Variants in FMNL3 observed in about 807,000 individuals in gnomAD.
FMNL3 encodes formin like 3, also known as formin-like protein 3.
A neutral mutation model predicts 119.6 loss-of-function variants in FMNL3; 57 were observed. The ratio of observed to expected loss-of-function variants is 0.48; its 90% CI spans 0.39 to 0.59. The LOEUF is 0.59. Among genes scored for constraint, FMNL3 ranks in the 20% least tolerant of loss-of-function variants. FMNL3 has a pLI of 0.00. For synonymous variants in FMNL3, 491 were observed against 507.3 expected, an observed-to-expected ratio of 0.97 and a Z score of 0.43; for missense variants, 1,053 against 1,323.5, an observed-to-expected ratio of 0.80 and a Z score of 3.17.
chr12:49,665,987 G>C, intron 3 of FMNL3, 79 bp from the exon 4 acceptor site: 1 of 1,556,228 alleles, frequency 6.4e-7, no homozygotes, highest in Non-Finnish European at 8.9e-7. Flanking sequence ...AGCCATTCCA[G>C]GCCCTTGGCC....
At chr12:49,676,776 C>T (rs1944202613) in intron 1 of FMNL3, among the ~76,000 whole-genome samples, 1 of 152,094 alleles carries the variant, frequency 6.6e-6, no homozygotes, top group Non-Finnish European at 1.5e-5. Context: ...TATCTATAAT[C>T]TGTCTTATGT....
Position 49,644,764 on chromosome 12 carries a change from G to A in FMNL3, c.*1051C>T, listed in dbSNP as rs1319922478. 6.3e-6 allele frequency: 1 copy of A among 158,986 alleles called. No individual in the cohort carries two copies. Among genetic ancestry groups the A allele is most frequent in the Non-Finnish European group, 1.4e-5 (1 of 71,436 alleles). The allele number at this position is 158,986 out of a possible 1,614,324, so 9.8% of individuals were successfully genotyped here. ...TCTCATGGCAGGCCTGCTTCCCTTT[G>A]TGTGGCTAGAGCCCACCTAGCCGGT... is the stretch of plus-strand genomic sequence containing the variant. On this transcript the variant is annotated 3_prime_UTR_variant, in exon 26 of 26. Transcript: ENST00000335154.
At chr12:49,701,209 T>C (rs982912368) in intron 1 of FMNL3, among the ~76,000 whole-genome samples, 3 of 151,908 alleles carry the variant, frequency 2.0e-5, no homozygotes, top group Non-Finnish European at 2.9e-5. Context: ...TTAAAAAATA[T>C]ATATACACGT....
At chr12:49,670,415 A>G (rs1944012868) in intron 1 of FMNL3, among the ~76,000 whole-genome samples, 1 of 152,126 alleles carries the variant, frequency 6.6e-6, no homozygotes, top group Non-Finnish European at 1.5e-5. Context: ...AGCTCCCAAT[A>G]TGCATCTAGT....
At chr12:49,656,552 C>T (rs1943576152) in intron 8 of FMNL3, 55 bp from the exon 9 acceptor site, 10 of 1,484,532 alleles carry the variant, frequency 6.7e-6, no homozygotes, top group Non-Finnish European at 9.3e-6. Context: ...GACAACCACA[C>T]AGCTCATTTC....
At chr12:49,660,034 T>C in intron 5 of FMNL3, 1 of 893,568 alleles carries the variant, frequency 1.1e-6, no homozygotes, top group Non-Finnish European at 1.3e-6. Context: ...GTCCTCATGA[T>C]CAGGAGGTGT....
At chr12:49,706,536 C>T (rs1231496256) in intron 1 of FMNL3, among the ~76,000 whole-genome samples, 1 of 149,282 alleles carries the variant, frequency 6.7e-6, no homozygotes, top group African/African-American at 2.6e-5. Context: ...GAGCTGCCAG[C>T]CGCCTCCCCA....
intron 1 of FMNL3, among the ~76,000 whole-genome samples, chr12:49,679,214 G>T (rs73305098): frequency 1.3e-5 from 2 of 152,034 alleles, no homozygotes; most frequent in South Asian, 4.1e-4. Context: ...CATGGAACTT[G>T]CCCCGCATCA....
In FMNL3 at chr12:49,645,792, G is replaced by A. The variant is rs758493218; in HGVS notation, c.*23C>T. The A allele has an allele frequency of 6.3e-7, 1 of 1,589,154 alleles. No homozygotes were observed. Among genetic ancestry groups the A allele is most frequent in the Admixed American group, 1.9e-5 (1 of 53,566 alleles). On this transcript the variant is annotated 3_prime_UTR_variant, in exon 26 of 26. Coordinates refer to ENST00000335154, the MANE Select transcript of FMNL3 (RefSeq NM_175736.5). ...GACTTGTAGGACTCTGAGGGGTGAA[G>A]TGCTTCTGCCTCCGAGAGGGTCTCA... is the stretch of plus-strand genomic sequence containing the variant.
At chr12:49,702,421 T>C (rs1428798349) in intron 1 of FMNL3, among the ~76,000 whole-genome samples, 2 of 152,202 alleles carry the variant, frequency 1.3e-5, no homozygotes, top group African/African-American at 4.8e-5. Context: ...TAAGAAAATA[T>C]TTGCATTTGG....
intron 1 of FMNL3, among the ~76,000 whole-genome samples, chr12:49,692,865 G>A (rs1944643351): frequency 6.6e-6 from 1 of 152,120 alleles, no homozygotes; most frequent in African/African-American, 2.4e-5. Context: ...TCTGAGAGGT[G>A]GCATTTTTAA....
rs1372210440 is a variant in FMNL3, at chr12:49,642,276, G to A, written c.*3539C>T. ...AGGCACGGGAGAGGGAGCGGGAGAA[G>A]GAGGAGGCACGCAGGATGCGGCGCA... is the stretch of plus-strand genomic sequence containing the variant. On this transcript the variant is annotated 3_prime_UTR_variant, in exon 26 of 26. Coordinates refer to ENST00000335154, the MANE Select transcript of FMNL3 (RefSeq NM_175736.5). The surrounding 1 kb of genome is among the most constrained non-coding windows in gnomAD (Gnocchi z 5.8). The A allele has an allele frequency of 1.9e-6, 3 of 1,614,082 alleles. No individual in the cohort carries two copies. Among genetic ancestry groups the A allele is most frequent in the African/African-American group, 1.3e-5 (1 of 74,944 alleles).
Position 49,656,835 on chromosome 12 carries a change from T to C in FMNL3, c.779A>G (p.Asn260Ser). Residue 260 changes from asparagine (N) to serine (S), a missense_variant, in exon 8 of 26, where the codon AAC becomes AGC. Transcript: ENST00000335154. ...AVNEIALSLN[N>S]KNPRTKALVL... ...GGAAGGAACTCACCTTGGATTCTTG[T>C]TATTGAGGCTAAGTGCAATCTCATT... 6.2e-7 allele frequency: 1 copy of C among 1,613,984 alleles called. No individual in the cohort carries two copies. The highest frequency in any genetic ancestry group is 1.1e-5 in the South Asian group (1 of 91,060).
chr12:49,658,562 T>C lies in FMNL3; in HGVS notation c.485A>G (p.Asp162Gly). Residue 162 changes from aspartate to glycine, a missense_variant, in exon 6 of 26, where the codon GAT (aspartate) becomes GGT (glycine). Asp to Gly is a moderately conservative substitution (Grantham distance 94, BLOSUM62 -1). Coordinates refer to ENST00000335154, the MANE Select transcript of FMNL3 (RefSeq NM_175736.5). ...FDFEGLESGD[D>G]GAFDKLRSWS... is the part of the protein sequence containing the mutation. ...GGACCGGAGTTTGTCAAATGCACCA[T>C]CGTCACCACTTTCCAGACCCTCAAA... 6.2e-7 allele frequency: 1 copy of C among 1,612,482 alleles called. No homozygotes were observed. The highest frequency in any genetic ancestry group is 8.5e-7 in the Non-Finnish European group (1 of 1,179,192).
chr12:49,668,220 A>T (rs1943944658), intron 2 of FMNL3, among the ~76,000 whole-genome samples: 1 of 152,208 alleles, frequency 6.6e-6, no homozygotes, highest in Non-Finnish European at 1.5e-5. Flanking sequence ...GATCTACACA[A>T]ATCCCCTTAT....
chr12:49,685,084 A>G (rs2138967993), intron 1 of FMNL3, among the ~76,000 whole-genome samples: 1 of 152,336 alleles, frequency 6.6e-6, no homozygotes, highest in South Asian at 2.1e-4. Context: ...ATGAGCCCAT[A>G]TAACAGCAAC....
At chr12:49,682,952 TGGAGAGATATG>T (rs1944373355) in intron 1 of FMNL3, among the ~76,000 whole-genome samples, 1 of 152,178 alleles carries the variant, frequency 6.6e-6, no homozygotes, top group African/African-American at 2.4e-5. Flanking sequence ...TTGTTATCTG[TGGAGAGATATG>T]GGAGAGATTT....
chr12:49,659,694 G>C, intron 5 of FMNL3: 1 of 882,992 alleles, frequency 1.1e-6, no homozygotes. Flanking sequence ...GATTACATGT[G>C]TGAGCCACTG....
chr12:49,671,279 G>A (rs1175002446), intron 1 of FMNL3, among the ~76,000 whole-genome samples: 2 of 152,242 alleles, frequency 1.3e-5, no homozygotes, highest in African/African-American at 2.4e-5. Flanking sequence ...CAGGGACCTG[G>A]TCAAACTCTA....
Sources: gnomAD v4.1 joint callset for allele counts (sites outside exome capture counted in the v4.1 genomes callset) on GRCh38, gnomAD v4.1.1 for gene constraint, Gnocchi (gnomAD v3.1) non-coding constraint, MANE v1.5 for transcripts, NCBI Gene and HGNC (gene_info 2026-07-23, HGNC 2026-07-21) for gene names.